Variants in MCEE observed in about 807,000 individuals in gnomAD.
MCEE encodes methylmalonyl-CoA epimerase.
In MCEE, 6 loss-of-function variants were observed where a neutral mutation model predicts 12.9. The ratio of observed to expected loss-of-function variants is 0.47; its 90% CI spans 0.26 to 0.92. MCEE has a LOEUF of 0.92. MCEE is among the 40% of genes least tolerant of loss of function. MCEE has a pLI of 0.16. For synonymous variants in MCEE, 78 were observed against 77.9 expected (o/e 1.00, Z -0.01); for missense variants, 214 against 212.1 (o/e 1.01, Z -0.05).
intron 2 of MCEE, among the ~76,000 whole-genome samples, chr2:71,113,829 C>A: frequency 6.6e-6 from 1 of 152,094 alleles, no homozygotes; most frequent in African/African-American, 2.4e-5. Flanking sequence ...GTGGAGAAAC[C>A]TGACAACACC....
rs1673165049 is a variant in MCEE, at chr2:71,124,154, C to A, written c.378+52G>T. ...ATAAATAGACTTAAAAAGTAGAAGA[C>A]ATTTTTTAAAAGAGAGATTTAAAAT... On this transcript the variant is annotated intron_variant, in intron 2 of 2. Coordinates refer to ENST00000244217, the MANE Select transcript of MCEE (RefSeq NM_032601.4). 9 of 1,371,146 alleles carry A rather than the reference C, an allele frequency of 6.6e-6. No individual in the cohort carries two copies. The South Asian group carries it at 9.7e-5, about 15-fold the overall frequency. The allele number at this position is 1,371,146 out of a possible 1,614,324, so 84.9% of individuals were successfully genotyped here. A position where few individuals can be genotyped will look rare whatever the true frequency, so the allele number is the denominator to read the frequency against.
chr2:71,120,594 G>A (rs931197996), intron 2 of MCEE, among the ~76,000 whole-genome samples: 14 of 150,338 alleles, frequency 9.3e-5, no homozygotes, highest in Admixed American at 5.3e-4. Flanking sequence ...GGAACATTTC[G>A]TCAAGTGAGT....
chr2:71,112,489 G>A (rs1252258488), intron 2 of MCEE, among the ~76,000 whole-genome samples: 4 of 132,886 alleles, frequency 3.0e-5, no homozygotes, highest in Non-Finnish European at 6.2e-5. Flanking sequence ...AGGCTGGAGT[G>A]CAATGGCATG....
chr2:71,125,248 G>A (rs371943404), intron 1 of MCEE, among the ~76,000 whole-genome samples: 30 of 92,980 alleles, frequency 3.2e-4, no homozygotes, highest in African/African-American at 9.7e-4. Flanking sequence ...TCACTATTTC[G>A]CCCAGAATGG....
chr2:71,122,818 T>C (rs1673125227), intron 2 of MCEE, among the ~76,000 whole-genome samples: 1 of 152,220 alleles, frequency 6.6e-6, no homozygotes, highest in Non-Finnish European at 1.5e-5. Context: ...TTATGATAAC[T>C]CTATGCCTTT....
chr2:71,118,622 G>A lies in MCEE; in HGVS notation c.378+5584C>T, dbSNP rs576437470. 4.0e-5 allele frequency among the ~76,000 whole-genome samples: 6 copies of A among 149,936 alleles called. No homozygotes were observed. The East Asian group carries it at 1.2e-3, about 29-fold the overall frequency. On this transcript the variant is annotated intron_variant, in intron 2 of 2. Transcript: ENST00000244217. The stretch of plus-strand genomic sequence containing the variant: ...TCACTGTCCTCCCGTAGCGGAAGGG[G>A]CAACGGGTGTCTCTGAGGCCTCTTT...
At chr2:71,124,601 T>A in intron 1 of MCEE, 58 bp from the exon 2 acceptor site, 1 of 1,348,882 alleles carries the variant, frequency 7.4e-7, no homozygotes, top group Non-Finnish European at 1.1e-6. Context: ...ACTTCTAAAT[T>A]GAATTTTAAA....
rs1432703197 is a variant in MCEE, at chr2:71,109,741, A to G, written c.*229T>C. ...TTTTAATAATGTTCCCTAAGTAATTAGTAATCAAGATTTTCTTCAAATTCA... is the reference window on the plus strand; with the variant it reads ...TTTTAATAATGTTCCCTAAGTAATTGGTAATCAAGATTTTCTTCAAATTCA... On this transcript the variant is annotated 3_prime_UTR_variant, in exon 3 of 3. Coordinates refer to ENST00000244217, the MANE Select transcript of MCEE (RefSeq NM_032601.4). The G allele has an allele frequency of 3.3e-6, 1 of 300,024 alleles. No homozygotes were observed. Among genetic ancestry groups the G allele is most frequent in the Non-Finnish European group, 6.0e-6 (1 of 166,812 alleles). 18.6% of individuals were successfully genotyped at this position (300,024 alleles called of 1,614,324 possible). A position where few individuals can be genotyped will look rare whatever the true frequency, so the allele number is the denominator to read the frequency against.
chr2:71,116,307 C>T (rs1463910453), intron 2 of MCEE, among the ~76,000 whole-genome samples: 3 of 150,112 alleles, frequency 2.0e-5, no homozygotes, highest in Non-Finnish European at 2.9e-5. Context: ...CTCCTGACCT[C>T]GTGATCCACC....
chr2:71,129,142 T>C (rs1673307720), intron 1 of MCEE, among the ~76,000 whole-genome samples: 1 of 152,222 alleles, frequency 6.6e-6, no homozygotes. Context: ...AAGATGTGTA[T>C]GTAAGTACAA....
chr2:71,110,973 A>G (rs775477522), intron 2 of MCEE: 6 of 152,220 alleles, frequency 3.9e-5, no homozygotes, highest in Non-Finnish European at 8.8e-5. Context: ...AAGCACAGAG[A>G]CTAGTTTAAC....
chr2:71,128,984 C>CA (rs11342174), intron 1 of MCEE, among the ~76,000 whole-genome samples: 2,865 of 107,430 alleles, frequency 0.027, 80 homozygotes, highest in African/African-American at 0.077. Flanking sequence ...GACTCTGTCT[C>CA]AAAAAAAAAA....
At chr2:71,123,051 T>C (rs1031420549) in intron 2 of MCEE, among the ~76,000 whole-genome samples, 1 of 152,248 alleles carries the variant, frequency 6.6e-6, no homozygotes, top group Non-Finnish European at 1.5e-5. Flanking sequence ...CTCCTCACTA[T>C]GGACATGACT....
At chr2:71,121,062 C>T (rs896816900) in intron 2 of MCEE, among the ~76,000 whole-genome samples, 4 of 152,086 alleles carry the variant, frequency 2.6e-5, no homozygotes, top group Non-Finnish European at 5.9e-5. Flanking sequence ...AATCACCAAG[C>T]GTGGCATCCA....
chr2:71,124,650 A>G lies in MCEE; in HGVS notation c.41-107T>C, dbSNP rs538033753. The G allele has an allele frequency of 1.4e-5, 12 of 831,654 alleles. No homozygotes were observed. In the South Asian group the frequency reaches 1.5e-4, roughly 10 times the overall value. 51.5% of individuals were successfully genotyped at this position (831,654 alleles called of 1,614,324 possible). On this transcript the variant is annotated intron_variant, in intron 1 of 2. Transcript: ENST00000244217. Reference sequence around the variant, plus strand: ...ATGCATGCAAAAATTCATTATTTATATATCTGTTCTTTTTAATTATTGAAA... The same window carrying G: ...ATGCATGCAAAAATTCATTATTTATGTATCTGTTCTTTTTAATTATTGAAA...
At chr2:71,129,871 G>A (rs1673331027) in intron 1 of MCEE, 10 of 521,556 alleles carry the variant, frequency 1.9e-5, no homozygotes, top group South Asian at 1.8e-4. Context: ...ATTTACTTCT[G>A]TCCCTGCCCT....
intron 2 of MCEE, among the ~76,000 whole-genome samples, chr2:71,114,795 T>C (rs556730942): frequency 6.6e-6 from 1 of 152,240 alleles, no homozygotes; most frequent in Non-Finnish European, 1.5e-5. Flanking sequence ...TAAAATAATT[T>C]AAGGAAAAAA....
chr2:71,130,195 C>T lies in MCEE; in HGVS notation c.25G>A (p.Ala9Thr). The T allele has an allele frequency of 1.2e-6, 2 of 1,608,460 alleles. No individual in the cohort carries two copies. Among genetic ancestry groups the T allele is most frequent in the East Asian group, 2.2e-5 (1 of 44,654 alleles). The change falls in exon 1 of 3, where the codon GCC becomes ACC. Residue 9 changes from alanine to threonine, a missense_variant. Coordinates refer to ENST00000244217, the MANE Select transcript of MCEE (RefSeq NM_032601.4). Reference sequence around the variant, plus strand: ...CGGTATTCACCTACGGCATTCGCGGCTGCAGCCTTCAGCACCCGCGCCATT... The same window carrying T: ...CGGTATTCACCTACGGCATTCGCGGTTGCAGCCTTCAGCACCCGCGCCATT... MARVLKAAAANAVGLFSRL... is the reference protein window; with the variant it reads MARVLKAATANAVGLFSRL...
intron 1 of MCEE, among the ~76,000 whole-genome samples, chr2:71,126,625 T>C (rs1340572092): frequency 1.4e-5 from 2 of 147,904 alleles, no homozygotes; most frequent in Admixed American, 6.7e-5. Flanking sequence ...GGTGAAATTG[T>C]GTAGACCAAG....
Sources: gnomAD v4.1 joint callset for allele counts (sites outside exome capture counted in the v4.1 genomes callset) on GRCh38, gnomAD v4.1.1 for gene constraint, MANE v1.5 for transcripts, NCBI Gene and HGNC (gene_info 2026-07-23, HGNC 2026-07-21) for gene names.